The following LSP1 variants were observed in gnomAD, a reference collection of about 807,000 sequenced individuals.
The protein encoded by LSP1 is lymphocyte specific protein 1.
LSP1 carries 32 observed loss-of-function variants against 49.3 expected under a neutral mutation model. The ratio of observed to expected loss-of-function variants is 0.65; its 90% CI spans 0.49 to 0.87. The LOEUF (loss-of-function observed/expected upper bound fraction) is 0.87, where lower values mean the gene tolerates loss of function less well. Ranked by LOEUF, LSP1 falls within the 40% of genes least tolerant of loss-of-function variation. The pLI is 0.00. For synonymous variants in LSP1, 179 were observed against 178.8 expected (o/e 1.00, Z -0.01); for missense variants, 428 against 442.6 (o/e 0.97, Z 0.30).
chr11:1,883,993 A>C lies in LSP1; in HGVS notation c.560A>C (p.Gln187Pro). 6.2e-7 allele frequency: 1 copy of C among 1,612,574 alleles called. No individual in the cohort carries two copies. The highest frequency in any genetic ancestry group is 1.7e-5 in the Admixed American group (1 of 59,708). Residue 187 changes from glutamine (Q) to proline (P), a missense_variant, in exon 5 of 11, where the codon CAG (glutamine) becomes CCG (proline). Coordinates refer to ENST00000311604, the MANE Select transcript of LSP1 (RefSeq NM_002339.3). The stretch of plus-strand genomic sequence containing the variant: ...TTGGTCTTGGAGGGGACCATCGAAC[A>C]GAGCTCGCCTCCCCTGAGCCCTACC... ...SPLVLEGTIE[Q>P]SSPPLSPTTK...
chr11:1,889,381 C>T (rs939462095), intron 10 of LSP1: 1 of 705,466 alleles, frequency 1.4e-6, no homozygotes, highest in Non-Finnish European at 2.6e-6. Context: ...AGCACGGCAT[C>T]CCACATCCTG....
chr11:1,884,396 C>T lies in LSP1; in HGVS notation c.635+73C>T. On this transcript the variant is annotated intron_variant, in intron 6 of 10. Transcript: ENST00000311604. This position sits in a 1 kb window ranked among gnomAD's most constrained non-coding sequence, Gnocchi z 4.1. The stretch of plus-strand genomic sequence containing the variant: ...ACCAAGTGGGGGTTGAAGGGAGTCA[C>T]AAGGTAGAGATCTGGAGACCGAGGG... 1.2e-6 allele frequency: 2 copies of T among 1,610,154 alleles called. No individual in the cohort carries two copies. Among genetic ancestry groups the T allele is most frequent in the Non-Finnish European group, 1.7e-6 (2 of 1,176,612 alleles).
chr11:1,889,216 G>A (rs775953787), intron 10 of LSP1: 7 of 675,148 alleles, frequency 1.0e-5, no homozygotes, highest in South Asian at 3.2e-5. Context: ...AGGATGGAGC[G>A]GACTGTGGGA....
At chr11:1,882,093 G>A (rs1349878326) in intron 3 of LSP1, among the ~76,000 whole-genome samples, 3 of 152,182 alleles carry the variant, frequency 2.0e-5, no homozygotes, top group Non-Finnish European at 1.5e-5. Flanking sequence ...CGGAGAGTCG[G>A]CCGGGAGGAC....
intron 10 of LSP1, chr11:1,889,182 T>C (rs1589834906): frequency 1.5e-6 from 1 of 674,792 alleles, no homozygotes. Context: ...GCGGTTGAAG[T>C]TCTTGGGCTG....
chr11:1,873,183 C>T (rs1489803863), intron 1 of LSP1, among the ~76,000 whole-genome samples: 2 of 149,456 alleles, frequency 1.3e-5, no homozygotes, highest in Non-Finnish European at 3.0e-5. Flanking sequence ...GAGGGGAGGG[C>T]TGTGCGGGTG....
chr11:1,889,465 G>A (rs1466603005), intron 10 of LSP1: 1 of 634,546 alleles, frequency 1.6e-6, no homozygotes, highest in Admixed American at 2.5e-5. Context: ...GGCACCTCCT[G>A]CTCTGTGGGG....
rs924824246 is a variant in LSP1 at position 1,873,830 on chromosome 11, G to A, written c.54-6257G>A. 4.9e-4 allele frequency among the ~76,000 whole-genome samples: 73 copies of A among 147,618 alleles called. 6 individuals are homozygous for A. Among genetic ancestry groups the A allele is most frequent in the Non-Finnish European group, 9.3e-4 (62 of 66,808 alleles). ...GGGAGCCCAGCAGAGGAGGGAGGCC[G>A]GCAGAGGAGGGAGGCCGGCAGAGGA... On this transcript the variant is annotated intron_variant, in intron 1 of 10. Transcript: ENST00000311604.
intron 10 of LSP1, chr11:1,890,274 G>T (rs902777187): frequency 1.4e-6 from 1 of 713,270 alleles, no homozygotes; most frequent in Non-Finnish European, 2.6e-6. Context: ...CATGCGGGGA[G>T]CCTCGGCGGG....
chr11:1,854,809 C>A (rs1445203596), intron 1 of LSP1, among the ~76,000 whole-genome samples: 2 of 152,214 alleles, frequency 1.3e-5, no homozygotes, highest in South Asian at 2.1e-4. Flanking sequence ...TGCTCCTGGT[C>A]ACCTCATGCC....
chr11:1,858,615 G>C (rs971360349), intron 1 of LSP1, among the ~76,000 whole-genome samples: 3 of 152,250 alleles, frequency 2.0e-5, no homozygotes, highest in Non-Finnish European at 4.4e-5. Flanking sequence ...GGACGAGGCT[G>C]TATTGATACT....
At chr11:1,876,608 A>G (rs1848320941) in intron 1 of LSP1, 1 of 985,524 alleles carries the variant, frequency 1.0e-6, no homozygotes, top group South Asian at 4.7e-5. Flanking sequence ...ACCGAGCCGG[A>G]CACCCATTCT....
At chr11:1,856,125 C>T (rs575345822) in intron 1 of LSP1, among the ~76,000 whole-genome samples, 1 of 152,342 alleles carries the variant, frequency 6.6e-6, no homozygotes, top group African/African-American at 2.4e-5. Flanking sequence ...GCAAGTCTGC[C>T]TGCCGCCACC....
intron 1 of LSP1, among the ~76,000 whole-genome samples, chr11:1,857,174 C>T (rs1045632319): frequency 2.0e-5 from 3 of 152,156 alleles, no homozygotes; most frequent in Non-Finnish European, 4.4e-5. Flanking sequence ...CTGGGCTGGT[C>T]GCACAAGTGG....
intron 10 of LSP1, chr11:1,890,585 G>A: frequency 1.4e-6 from 1 of 706,438 alleles, no homozygotes; most frequent in Non-Finnish European, 2.6e-6. Context: ...ATATGAGCAT[G>A]ACTGTGTCCT....
chr11:1,853,354 G>A (rs1351572075), intron 1 of LSP1, among the ~76,000 whole-genome samples, 157 bp downstream of exon 1: 1 of 152,248 alleles, frequency 6.6e-6, no homozygotes, highest in African/African-American at 2.4e-5. Context: ...GGGACCCACA[G>A]ACAGGTGGCA....
intron 1 of LSP1, among the ~76,000 whole-genome samples, chr11:1,878,092 C>G (rs1240113044): frequency 6.6e-6 from 1 of 152,126 alleles, no homozygotes; most frequent in African/African-American, 2.4e-5. Flanking sequence ...TGGGCTCCCT[C>G]TCATGCCCCA....
chr11:1,853,484 G>T (rs1847411892), intron 1 of LSP1, among the ~76,000 whole-genome samples: 1 of 152,220 alleles, frequency 6.6e-6, no homozygotes, highest in Admixed American at 6.5e-5. Context: ...GATGCCTGAA[G>T]CGAGGAGACC....
rs570783400 is a variant in LSP1, at chr11:1,870,667, C to T, written c.54-9420C>T. 7.4e-6 allele frequency: 8 copies of T among 1,080,556 alleles called. No homozygotes were observed. The South Asian group carries it at 8.5e-5, about 11-fold the overall frequency. The allele number at this position is 1,080,556 out of a possible 1,614,324, so 66.9% of individuals were successfully genotyped here. A position where few individuals can be genotyped will look rare whatever the true frequency, so the allele number is the denominator to read the frequency against. On this transcript the variant is annotated intron_variant, in intron 1 of 10. Coordinates refer to ENST00000311604, the MANE Select transcript of LSP1 (RefSeq NM_002339.3). The stretch of plus-strand genomic sequence containing the variant: ...CGGCTGTGGCTCCCGCCCAGGTGGG[C>T]ACCACGTCTGAATAATGTATGAAGC...
Sources: allele counts gnomAD v4.1 joint callset (sites outside exome capture counted in the v4.1 genomes callset), GRCh38; gene constraint gnomAD v4.1.1; non-coding constraint Gnocchi (gnomAD v3.1); transcripts MANE v1.5; gene names NCBI Gene and HGNC (gene_info 2026-07-23, HGNC 2026-07-21).